The following AHCTF1 variants were observed in gnomAD, a reference collection of about 807,000 sequenced individuals.
The protein encoded by AHCTF1 is AT-hook containing transcription factor 1, also known as protein ELYS.
Under a neutral mutation model 248.4 loss-of-function variants are expected in AHCTF1, and 24 were observed. The ratio of observed to expected loss-of-function variants is 0.10; its 90% CI spans 0.07 to 0.14. The LOEUF (loss-of-function observed/expected upper bound fraction) is 0.14, where lower values mean the gene tolerates loss of function less well. AHCTF1 is among the 10% of genes least tolerant of loss of function. The probability of loss-of-function intolerance (pLI) is 1.00; values close to 1 mark genes in which losing one functional copy is unlikely to be tolerated. For missense variants in AHCTF1, 2,206 were observed against 2,636.2 expected (o/e 0.84, Z 3.57); for synonymous variants, 786 against 929.8 (o/e 0.85, Z 2.81).
intron 30 of AHCTF1, among the ~76,000 whole-genome samples, 189 bp from the exon 31 acceptor site, chr1:246,856,016 T>C (rs1161828784): frequency 6.6e-6 from 1 of 152,198 alleles, no homozygotes; most frequent in Non-Finnish European, 1.5e-5. Flanking sequence ...GCTGTACTTG[T>C]TTTACCCATT....
intron 1 of AHCTF1, among the ~76,000 whole-genome samples, chr1:246,930,117 C>A (rs564201665): frequency 1.6e-4 from 25 of 152,036 alleles, no homozygotes; most frequent in Non-Finnish European, 3.2e-4. Flanking sequence ...ACAAAAGTCT[C>A]AAAACTGATG....
At chr1:246,909,111 T>TATC (rs1195800928) in intron 4 of AHCTF1, among the ~76,000 whole-genome samples, 206 of 99,756 alleles carry the variant, frequency 2.1e-3, no homozygotes, top group Non-Finnish European at 3.4e-3. Context: ...ATCTATCTAT[T>TATC]TATATATATA....
rs368558758 is a variant in AHCTF1, at chr1:246,899,526, T to G, written c.1433-14A>C. On this transcript the variant is annotated splice_polypyrimidine_tract_variant and intron_variant, in intron 10 of 35. Transcript: ENST00000648844. ...AACAAGTGGCATCTAAAAAAAAGAT[T>G]TAAAAAATAATCCACTTACATATAT... 2.7e-5 allele frequency: 44 copies of G among 1,601,008 alleles called. No individual in the cohort carries two copies. The highest frequency in any genetic ancestry group is 3.7e-5 in the Non-Finnish European group (43 of 1,172,346).
intron 24 of AHCTF1, among the ~76,000 whole-genome samples, chr1:246,869,514 T>C (rs948322993): frequency 2.0e-5 from 3 of 152,024 alleles, no homozygotes; most frequent in Non-Finnish European, 4.4e-5. Context: ...AAGGACAGGG[T>C]GACTCTGCTG....
Position 246,860,917 on chromosome 1 carries a change from C to T in AHCTF1, c.4114G>A (p.Asp1372Asn). The part of the protein sequence containing the change: ...DVFASEVTPS[D>N]LQKQMGNLED... ...TTCTTACCCATTTGTTTCTGTAGGT[C>T]TGAAGGAGTTACTTCTGATGCAAAT... The change falls in exon 29 of 36, where the codon GAC (aspartate) becomes AAC (asparagine). Residue 1372 changes from aspartate (D) to asparagine (N), a missense_variant. Asp to Asn is a conservative substitution (Grantham distance 23). Around this residue, in one of 6 missense-constraint regions of AHCTF1, gnomAD observed 955 missense variants for 1,055.6 expected, o/e 0.90. Coordinates refer to ENST00000648844, the MANE Select transcript of AHCTF1 (RefSeq NM_001323342.2). 6.2e-7 allele frequency: 1 copy of T among 1,609,864 alleles called. No individual in the cohort carries two copies. Among genetic ancestry groups the T allele is most frequent in the Non-Finnish European group, 8.5e-7 (1 of 1,176,470 alleles).
rs1325063942 is a variant in AHCTF1, at chr1:246,905,563, C to T, written c.859G>A (p.Ala287Thr). The change falls in exon 6 of 36, where the codon GCT (alanine) becomes ACT (threonine). Residue 287 changes from alanine (A) to threonine (T), a missense_variant. Physicochemically the swap from Ala to Thr is moderately conservative, Grantham distance 58. Transcript: ENST00000648844. Reference protein sequence around the residue: ...NDPRNCCYLWAVQSTQDSEGD... With the variant: ...NDPRNCCYLWTVQSTQDSEGD... ...TACCTATCTTGTGTAGACTGAACAGCCCACAAGTAACAGCAATTCCGAGGA... is the reference window on the plus strand; with the variant it reads ...TACCTATCTTGTGTAGACTGAACAGTCCACAAGTAACAGCAATTCCGAGGA... 6.2e-7 allele frequency: 1 copy of T among 1,611,888 alleles called. No homozygotes were observed. Among genetic ancestry groups the T allele is most frequent in the Non-Finnish European group, 8.5e-7 (1 of 1,179,704 alleles).
intron 8 of AHCTF1, 57 bp downstream of exon 8, chr1:246,902,468 C>A: frequency 1.3e-6 from 2 of 1,547,504 alleles, no homozygotes; most frequent in Non-Finnish European, 1.7e-6. Flanking sequence ...AAAATAACAC[C>A]TGTCATAAAT....
chr1:246,857,660 A>G lies in AHCTF1; in HGVS notation c.4256+31T>C, dbSNP rs41304153. ...CATAATTTCATTAAACTTCTTTCTA[A>G]AAGTATTTGAATTTCTCTCCATTAA... On this transcript the variant is annotated intron_variant, in intron 30 of 35. Transcript: ENST00000648844. 8.6e-3 allele frequency: 13,534 copies of G among 1,574,062 alleles called. 83 individuals carry two copies. Among genetic ancestry groups the G allele is most frequent in the Non-Finnish European group, 0.01 (11,870 of 1,163,424 alleles).
chr1:246,909,144 GCT>G (rs1290392245), intron 4 of AHCTF1, among the ~76,000 whole-genome samples: 1 of 149,584 alleles, frequency 6.7e-6, no homozygotes, highest in African/African-American at 2.5e-5. Flanking sequence ...AGGTGAGGTG[GCT>G]CATGCCTGTA....
chr1:246,892,468 G>A (rs1182231004), intron 14 of AHCTF1, among the ~76,000 whole-genome samples: 4 of 151,768 alleles, frequency 2.6e-5, no homozygotes, highest in Non-Finnish European at 5.9e-5. Flanking sequence ...TTACAGGCAT[G>A]TGCCACAACA....
At position 246,841,515 on chromosome 1, in the gene AHCTF1, T is replaced by C. The variant is rs114248509; in HGVS notation, c.6609-517A>G. On this transcript the variant is annotated intron_variant, in intron 35 of 35. Transcript: ENST00000648844. Reference sequence around the variant, plus strand: ...TGCATTCACGTGTGCTTTTATTGAATTCAACCATGCCTACTAAGCACAGCA... The same window carrying C: ...TGCATTCACGTGTGCTTTTATTGAACTCAACCATGCCTACTAAGCACAGCA... 3.1e-3 allele frequency among the ~76,000 whole-genome samples: 465 copies of C among 152,354 alleles called. 2 individuals carry two copies. Among genetic ancestry groups the C allele is most frequent in the African/African-American group, 0.011 (448 of 41,586 alleles).
At chr1:246,888,912 G>A (rs920169154) in intron 17 of AHCTF1, among the ~76,000 whole-genome samples, 1 of 152,106 alleles carries the variant, frequency 6.6e-6, no homozygotes, top group Non-Finnish European at 1.5e-5. Flanking sequence ...AAAACAGAGA[G>A]AGAGGAGAGA....
At chr1:246,910,794 T>C (rs369343018) in intron 4 of AHCTF1, among the ~76,000 whole-genome samples, 6 of 150,508 alleles carry the variant, frequency 4.0e-5, no homozygotes, top group African/African-American at 1.5e-4. Context: ...AGAGATTAGA[T>C]TTTGCCACAA....
intron 10 of AHCTF1, among the ~76,000 whole-genome samples, chr1:246,899,730 T>C (rs1429342629): frequency 6.6e-6 from 1 of 151,188 alleles, no homozygotes; most frequent in Non-Finnish European, 1.5e-5. Context: ...CCCAAAAAAC[T>C]CCAAGCACAG....
At chr1:246,875,991 C>T in intron 24 of AHCTF1, 46 bp downstream of exon 24, 1 of 1,508,710 alleles carries the variant, frequency 6.6e-7, no homozygotes, top group South Asian at 1.3e-5. Context: ...CATTCAGTAT[C>T]TTTTTTGATC....
intron 1 of AHCTF1, chr1:246,931,052 T>C: frequency 6.6e-7 from 1 of 1,520,190 alleles, no homozygotes; most frequent in African/African-American, 1.4e-5. Context: ...TAAATCTCCT[T>C]GATCTGACCA....
chr1:246,879,320 T>C lies in AHCTF1; in HGVS notation c.2661-2018A>G, dbSNP rs148921577. 2.9e-3 allele frequency among the ~76,000 whole-genome samples: 435 copies of C among 152,246 alleles called. 2 individuals carry two copies. The highest frequency in any genetic ancestry group is 0.01 in the African/African-American group (423 of 41,538). Reference sequence around the variant, plus strand: ...TGATAAAAGACATAGCATACGGTAATTGAGAGGAGGATTAAGTTGTCATAA... The same window carrying C: ...TGATAAAAGACATAGCATACGGTAACTGAGAGGAGGATTAAGTTGTCATAA... On this transcript the variant is annotated intron_variant, in intron 21 of 35. Coordinates refer to ENST00000648844, the MANE Select transcript of AHCTF1 (RefSeq NM_001323342.2).
At chr1:246,841,955 A>ATTTT (rs1211083487) in intron 35 of AHCTF1, among the ~76,000 whole-genome samples, 1 of 124,290 alleles carries the variant, frequency 8.0e-6, no homozygotes, top group African/African-American at 3.1e-5. Flanking sequence ...CGCCCAGCTA[A>ATTTT]TTTTTTTTTT....
intron 12 of AHCTF1, among the ~76,000 whole-genome samples, chr1:246,896,912 G>A (rs934749434): frequency 6.6e-6 from 1 of 152,174 alleles, no homozygotes; most frequent in African/African-American, 2.4e-5. Context: ...ACTCTAAACG[G>A]AGACTCACTG....
Sources: allele counts gnomAD v4.1 joint callset (sites outside exome capture counted in the v4.1 genomes callset), GRCh38; gene constraint gnomAD v4.1.1; regional missense constraint gnomAD v4.1.1; transcripts MANE v1.5; gene names NCBI Gene and HGNC (gene_info 2026-07-23, HGNC 2026-07-21).